The following DLC1 variants were observed in gnomAD, a reference collection of about 807,000 sequenced individuals.
DLC1 encodes the protein DLC1 Rho GTPase activating protein, also known as rho GTPase-activating protein 7.
A neutral mutation model predicts 140.3 loss-of-function variants in DLC1; 54 were observed. That is an observed-to-expected ratio of 0.38 (90% CI 0.31 to 0.48). The LOEUF (loss-of-function observed/expected upper bound fraction) is 0.48. DLC1 is among the 20% of genes least tolerant of loss of function. DLC1 has a pLI of 0.96. For missense variants in DLC1, 2,536 were observed against 1,907.0 expected, an observed-to-expected ratio of 1.33 and a Z score of -6.14; for synonymous variants, 986 against 728.1, an observed-to-expected ratio of 1.35 and a Z score of -5.70.
intron 5 of DLC1, among the ~76,000 whole-genome samples, chr8:13,219,070 A>ATAATTATATAATTATATGTGAATG (rs1828392749): frequency 8.4e-6 from 1 of 119,092 alleles, no homozygotes; most frequent in African/African-American, 3.3e-5. Flanking sequence ...TTACGTGAAT[A>ATAATTATATAATTATATGTGAATG]TAATTATATA....
chr8:13,524,903 A>G (rs1802873173), intron 1 of DLC1, among the ~76,000 whole-genome samples: 1 of 152,208 alleles, frequency 6.6e-6, no homozygotes, highest in South Asian at 2.1e-4. Flanking sequence ...ACAAATTCAT[A>G]TGCCTGTGAT....
intron 5 of DLC1, among the ~76,000 whole-genome samples, chr8:13,213,541 T>G (rs1176162317): frequency 6.6e-6 from 1 of 152,188 alleles, no homozygotes; most frequent in Non-Finnish European, 1.5e-5. Context: ...TAAAAAACAC[T>G]AATGAGTTGG....
chr8:13,338,452 A>G (rs998004366), intron 4 of DLC1: 1 of 152,306 alleles, frequency 6.6e-6, no homozygotes. Context: ...TCATTCTGCA[A>G]TTTACTGCTA....
chr8:13,571,543 A>G (rs1009035400), intron 1 of DLC1, among the ~76,000 whole-genome samples: 1 of 152,214 alleles, frequency 6.6e-6, no homozygotes, highest in Non-Finnish European at 1.5e-5. Context: ...TTTATAGCTG[A>G]GTAATATTCC....
At chr8:13,561,741 A>G (rs1355033670) in intron 1 of DLC1, among the ~76,000 whole-genome samples, 1 of 152,226 alleles carries the variant, frequency 6.6e-6, no homozygotes, top group Non-Finnish European at 1.5e-5. Context: ...TTTTAAATTC[A>G]AAACATTACA....
chr8:13,543,336 A>G (rs1169025451), intron 1 of DLC1, among the ~76,000 whole-genome samples: 1 of 152,160 alleles, frequency 6.6e-6, no homozygotes, highest in African/African-American at 2.4e-5. Context: ...CCTTAAGTTC[A>G]GAAGTAGATA....
chr8:13,582,221 A>T (rs981670914), intron 1 of DLC1, among the ~76,000 whole-genome samples: 1 of 152,194 alleles, frequency 6.6e-6, no homozygotes, highest in Non-Finnish European at 1.5e-5. Context: ...AGGAACTGGC[A>T]GTGAGAAAAA....
At chr8:13,136,703 T>A (rs1315409859) in intron 5 of DLC1, among the ~76,000 whole-genome samples, 1 of 152,072 alleles carries the variant, frequency 6.6e-6, no homozygotes, top group Non-Finnish European at 1.5e-5. Context: ...TCTGGCTAAT[T>A]TTTGTATTTT....
At chr8:13,407,633 C>T (rs1033119061) in intron 2 of DLC1, among the ~76,000 whole-genome samples, 2 of 152,136 alleles carry the variant, frequency 1.3e-5, no homozygotes, top group East Asian at 1.9e-4. Context: ...ATTGCTTGAA[C>T]GCTTTGCTTG....
intron 2 of DLC1, among the ~76,000 whole-genome samples, chr8:13,464,582 T>A (rs1799834694): frequency 6.6e-6 from 1 of 151,854 alleles, no homozygotes; most frequent in African/African-American, 2.4e-5. Context: ...CCCCTGTGAA[T>A]CCACCCCCCG....
intron 4 of DLC1, among the ~76,000 whole-genome samples, chr8:13,370,653 G>A (rs1404005260): frequency 6.6e-6 from 1 of 152,134 alleles, no homozygotes; most frequent in East Asian, 1.9e-4. Context: ...CTGAAATCAG[G>A]GCTCAGCTAA....
chr8:13,485,738 T>G (rs1800941177), intron 2 of DLC1, among the ~76,000 whole-genome samples: 1 of 152,214 alleles, frequency 6.6e-6, no homozygotes, highest in African/African-American at 2.4e-5. Context: ...ATTCTCTCAA[T>G]GGCCAGGCTT....
chr8:13,491,035 A>C (rs1801212928), intron 2 of DLC1, among the ~76,000 whole-genome samples: 1 of 147,706 alleles, frequency 6.8e-6, no homozygotes, highest in Non-Finnish European at 1.5e-5. Context: ...TATATATATA[A>C]ATTTAGAATA....
chr8:13,475,755 G>C (rs899189289), intron 2 of DLC1, among the ~76,000 whole-genome samples: 22 of 152,190 alleles, frequency 1.4e-4, no homozygotes, highest in African/African-American at 5.3e-4. Context: ...GAGGCTAAAA[G>C]TGAGGCTGCA....
chr8:13,222,273 T>C (rs1292070012), intron 5 of DLC1, among the ~76,000 whole-genome samples: 1 of 152,016 alleles, frequency 6.6e-6, no homozygotes, highest in African/African-American at 2.4e-5. Flanking sequence ...AAACCCACAT[T>C]TTCAATTCCT....
At chr8:13,327,273 C>G (rs955853239) in intron 4 of DLC1, among the ~76,000 whole-genome samples, 10 of 151,942 alleles carry the variant, frequency 6.6e-5, no homozygotes, top group African/African-American at 2.4e-4. Flanking sequence ...GCGCCCGGCC[C>G]CACTTGCAGT....
At chr8:13,506,295 A>G (rs9918823) in intron 1 of DLC1, among the ~76,000 whole-genome samples, 72,268 of 151,806 alleles carry the variant, frequency 0.48, 18,252 homozygotes, top group Non-Finnish European at 0.57. Context: ...GTGTACACAT[A>G]TATATTGATA....
chr8:13,390,007 T>C (rs1836679415), intron 4 of DLC1, among the ~76,000 whole-genome samples: 1 of 152,216 alleles, frequency 6.6e-6, no homozygotes, highest in Non-Finnish European at 1.5e-5. Context: ...TTCTCTCTCT[T>C]CATAAAGTAT....
intron 5 of DLC1, among the ~76,000 whole-genome samples, chr8:13,301,778 G>T (rs1239192785): frequency 2.0e-5 from 3 of 152,166 alleles, no homozygotes; most frequent in Admixed American, 2.0e-4. Flanking sequence ...GCTCTTGTGA[G>T]ATCAGCGGCA....
Sources: gnomAD v4.1 joint callset for allele counts (sites outside exome capture counted in the v4.1 genomes callset) on GRCh38, gnomAD v4.1.1 for gene constraint, MANE v1.5 for transcripts, NCBI Gene and HGNC (gene_info 2026-07-23, HGNC 2026-07-21) for gene names.